TUSC3: variants seen among roughly 807,000 people sequenced by gnomAD.
The protein encoded by TUSC3 is dolichyl-diphosphooligosaccharide--protein glycosyltransferase subunit TUSC3.
Under a neutral mutation model 44.8 loss-of-function variants are expected in TUSC3, and 45 were observed. The ratio of observed to expected loss-of-function variants is 1.00; its 90% CI spans 0.79 to 1.29. The LOEUF (loss-of-function observed/expected upper bound fraction) is 1.29, where lower values mean the gene tolerates loss of function less well. Ranked by LOEUF, TUSC3 falls within the 50% of genes most tolerant of loss-of-function variation. TUSC3 has a pLI of 0.00. For synonymous variants in TUSC3, 212 were observed against 152.9 expected (o/e 1.39, Z -2.85); for missense variants, 519 against 437.9 (o/e 1.19, Z -1.65).
chr8:15,631,482 G>T (rs1195610744), intron 2 of TUSC3, among the ~76,000 whole-genome samples: 6 of 151,956 alleles, frequency 3.9e-5, no homozygotes, highest in Admixed American at 3.9e-4. Context: ...TAGTACAGTG[G>T]ACACCTGTGC....
intron 2 of TUSC3, among the ~76,000 whole-genome samples, chr8:15,489,796 A>G (rs1354966180): frequency 1.3e-5 from 2 of 152,172 alleles, no homozygotes; most frequent in South Asian, 4.1e-4. Context: ...GGCCTAAAAT[A>G]GTTTTTCAGG....
At chr8:15,823,330 A>C in the TUSC3 span, among the ~76,000 whole-genome samples, 2 of 152,204 alleles carry the variant, frequency 1.3e-5, no homozygotes, top group South Asian at 2.1e-4. Flanking sequence ...CCATAACCTC[A>C]GTTTTGTCTT....
At chr8:15,572,272 G>C (rs1022893058) in intron 1 of TUSC3, among the ~76,000 whole-genome samples, 1 of 152,054 alleles carries the variant, frequency 6.6e-6, no homozygotes, top group Non-Finnish European at 1.5e-5. Context: ...GCTTCATCTT[G>C]GACTTTTATG....
intron 4 of TUSC3, among the ~76,000 whole-genome samples, chr8:15,661,034 C>T (rs1467817931): frequency 6.6e-6 from 1 of 151,770 alleles, no homozygotes; most frequent in African/African-American, 2.4e-5. Flanking sequence ...ACATTTTATT[C>T]CATCTGCTTT....
At chr8:15,731,612 A>T (rs1810726785) in intron 7 of TUSC3, among the ~76,000 whole-genome samples, 1 of 152,146 alleles carries the variant, frequency 6.6e-6, no homozygotes, top group African/African-American at 2.4e-5. Context: ...TAGAATTAGA[A>T]TTCAGTTGTC....
intron 6 of TUSC3, among the ~76,000 whole-genome samples, chr8:15,721,697 A>C (rs900531561): frequency 6.6e-6 from 1 of 152,118 alleles, no homozygotes; most frequent in African/African-American, 2.4e-5. Context: ...TTTGTTACTG[A>C]ACAAAATGAA....
At chr8:15,823,552 A>C in the TUSC3 span, among the ~76,000 whole-genome samples, 1 of 152,206 alleles carries the variant, frequency 6.6e-6, no homozygotes, top group Non-Finnish European at 1.5e-5. Context: ...CAAATAAAAG[A>C]TACCATAATG....
intron 1 of TUSC3, among the ~76,000 whole-genome samples, chr8:15,570,977 G>A (rs9644001): frequency 1.6e-4 from 2 of 12,774 alleles, no homozygotes; most frequent in Admixed American, 7.4e-4. Context: ...TTTTTTTTGA[G>A]ATTGAGTCTT....
rs538404602 is a variant in TUSC3 at position 15,492,033 on chromosome 8, C to T, written n.189+8550C>T. Among the ~76,000 whole-genome samples, 4 of 152,296 alleles carry T rather than the reference C, an allele frequency of 2.6e-5. No homozygotes were observed. In the South Asian group the frequency reaches 8.3e-4, roughly 32 times the overall value. On this transcript the variant is annotated intron_variant and non_coding_transcript_variant, in intron 2 of 5. Coordinates refer to the TUSC3 transcript ENST00000503191. ...GGTTTTTGCATGTGGCTCCTGCTTC[C>T]TGAAATGCCTTTACTCCTCATATTC...
chr8:15,736,409 A>G (rs1273297882), intron 7 of TUSC3, among the ~76,000 whole-genome samples: 1 of 152,220 alleles, frequency 6.6e-6, no homozygotes, highest in Non-Finnish European at 1.5e-5. Flanking sequence ...CATATGAAAT[A>G]TATAAAATTG....
chr8:15,610,993 C>G (rs1410923584), intron 1 of TUSC3, among the ~76,000 whole-genome samples: 1 of 152,148 alleles, frequency 6.6e-6, no homozygotes, highest in Non-Finnish European at 1.5e-5. Flanking sequence ...GTACCGTCCA[C>G]TGAAAGCTTC....
intron 2 of TUSC3, among the ~76,000 whole-genome samples, chr8:15,513,069 T>C (rs1156402828): frequency 1.3e-5 from 2 of 150,868 alleles, no homozygotes; most frequent in African/African-American, 2.4e-5. Flanking sequence ...ATTACAATTG[T>C]AACGTTACCA....
At chr8:15,809,341 T>C in the TUSC3 span, among the ~76,000 whole-genome samples, 1 of 152,206 alleles carries the variant, frequency 6.6e-6, no homozygotes, top group South Asian at 2.1e-4. Flanking sequence ...ACTACATGAT[T>C]GCTGTTTTTG....
At chr8:15,851,866 A>C in the TUSC3 span, among the ~76,000 whole-genome samples, 1 of 152,090 alleles carries the variant, frequency 6.6e-6, no homozygotes, top group Non-Finnish European at 1.5e-5. Flanking sequence ...ACCCAGTGGG[A>C]GATAACTGAA....
chr8:15,783,608 A>G, the TUSC3 span, among the ~76,000 whole-genome samples: 3 of 152,250 alleles, frequency 2.0e-5, no homozygotes, highest in Non-Finnish European at 2.9e-5. Flanking sequence ...AAAAGTGTCA[A>G]GAACACACAA....
chr8:15,664,897 T>C (rs901175280), intron 5 of TUSC3, among the ~76,000 whole-genome samples: 2 of 151,152 alleles, frequency 1.3e-5, no homozygotes, highest in Admixed American at 6.6e-5. Flanking sequence ...TTATCATTTC[T>C]GCCTGATACC....
At chr8:15,546,597 G>A (rs1464377173) in intron 1 of TUSC3, among the ~76,000 whole-genome samples, 3 of 151,522 alleles carry the variant, frequency 2.0e-5, no homozygotes, top group South Asian at 4.2e-4. Flanking sequence ...GTGCAATGGC[G>A]CAAACTTGGC....
intron 7 of TUSC3, among the ~76,000 whole-genome samples, chr8:15,740,713 G>A (rs1036131955): frequency 4.6e-5 from 7 of 152,140 alleles, no homozygotes; most frequent in African/African-American, 1.7e-4. Flanking sequence ...ATTTTAGAGA[G>A]CAGTATGATT....
rs532558592 is a variant in TUSC3 at position 15,419,399 on chromosome 8, G to C, written n.91+2094G>C. Among the ~76,000 whole-genome samples, 4 of 152,302 alleles carry C rather than the reference G, an allele frequency of 2.6e-5. No homozygotes were observed. The South Asian group carries it at 6.2e-4, about 24-fold the overall frequency. ...GAGTTCAGTATATCTTATTGCTGAA[G>C]TCAGTTATCTTCTGATTTTTAGTCT... On this transcript the variant is annotated intron_variant and non_coding_transcript_variant, in intron 1 of 5. Coordinates refer to the TUSC3 transcript ENST00000503191.
Sources: allele counts gnomAD v4.1 joint callset (sites outside exome capture counted in the v4.1 genomes callset), GRCh38; gene constraint gnomAD v4.1.1; transcripts MANE v1.5; gene names NCBI Gene and HGNC (gene_info 2026-07-23, HGNC 2026-07-21).